DPY19L2: variants seen among roughly 807,000 people sequenced by gnomAD.
DPY19L2 encodes probable C-mannosyltransferase DPY19L2.
Under a neutral mutation model 97.9 loss-of-function variants are expected in DPY19L2, and 34 were observed. The observed-to-expected ratio is 0.35, with a 90% CI of 0.26 to 0.46. DPY19L2 has a LOEUF of 0.46. Ranked by LOEUF, DPY19L2 falls within the 20% of genes least tolerant of loss-of-function variation. The pLI is 1.00. For synonymous variants in DPY19L2, 230 were observed against 307.9 expected (o/e 0.75, Z 2.65); for missense variants, 623 against 911.4 (o/e 0.68, Z 4.07).
intron 12 of DPY19L2, among the ~76,000 whole-genome samples, chr12:63,602,283 C>A (rs1256405987): frequency 7.9e-5 from 12 of 151,712 alleles, no homozygotes; most frequent in Non-Finnish European, 1.6e-4. Flanking sequence ...AAAATAAAAA[C>A]TGAATCACAA....
At chr12:63,613,944 A>C (rs1427592343) in intron 11 of DPY19L2, among the ~76,000 whole-genome samples, 1 of 151,974 alleles carries the variant, frequency 6.6e-6, no homozygotes, top group Admixed American at 6.6e-5. Context: ...TAATCCCAGC[A>C]CTTGGGAGGC....
At chr12:63,662,310 C>T (rs1258754955) in intron 3 of DPY19L2, among the ~76,000 whole-genome samples, 2 of 151,986 alleles carry the variant, frequency 1.3e-5, no homozygotes, top group African/African-American at 4.8e-5. Context: ...CTGCCTCATC[C>T]AACACGAGTA....
intron 11 of DPY19L2, among the ~76,000 whole-genome samples, chr12:63,611,255 C>T (rs549699916): frequency 6.6e-6 from 1 of 152,144 alleles, no homozygotes; most frequent in African/African-American, 2.4e-5. Flanking sequence ...TTCCAGCTAA[C>T]AAATCTTAAA....
chr12:63,646,528 A>G (rs1893432973), intron 5 of DPY19L2, among the ~76,000 whole-genome samples: 1 of 152,188 alleles, frequency 6.6e-6, no homozygotes, highest in African/African-American at 2.4e-5. Context: ...TTCATAAAAT[A>G]TAGTAAGTCA....
intron 16 of DPY19L2, chr12:63,591,025 A>G (rs1882808241): frequency 2.2e-6 from 1 of 454,980 alleles, no homozygotes; most frequent in African/African-American, 2.0e-5. Context: ...ATCCAATTAA[A>G]TATCCCAAGT....
At chr12:63,594,961 G>A (rs1489231175) in intron 15 of DPY19L2, among the ~76,000 whole-genome samples, 2 of 152,156 alleles carry the variant, frequency 1.3e-5, no homozygotes, top group East Asian at 1.9e-4. Context: ...GATGCAGGGC[G>A]GTAAACCTGC....
At chr12:63,634,364 A>T (rs1003679363) in intron 6 of DPY19L2, among the ~76,000 whole-genome samples, 1 of 152,154 alleles carries the variant, frequency 6.6e-6, no homozygotes, top group African/African-American at 2.4e-5. Flanking sequence ...GCTCCAGTCT[A>T]CAGCTCCCAG....
chr12:63,619,784 C>T lies in DPY19L2; in HGVS notation c.1053+1454G>A, dbSNP rs1217201377. Among the ~76,000 whole-genome samples, 7 of 152,228 alleles carry T rather than the reference C, an allele frequency of 4.6e-5. No homozygotes were observed. The South Asian group carries it at 8.3e-4, about 18-fold the overall frequency. Reference sequence around the variant, plus strand: ...CCTCCCAAAGTTCTGGGAGTACAGGCGTGAGCCATCACACCCGGCCCCAAA... The same window carrying T: ...CCTCCCAAAGTTCTGGGAGTACAGGTGTGAGCCATCACACCCGGCCCCAAA... On this transcript the variant is annotated intron_variant, in intron 9 of 21. Transcript: ENST00000324472.
At chr12:63,638,126 G>A (rs1359806062) in intron 6 of DPY19L2, among the ~76,000 whole-genome samples, 2 of 152,078 alleles carry the variant, frequency 1.3e-5, no homozygotes, top group Non-Finnish European at 2.9e-5. Context: ...TATCTCAATA[G>A]ATGCAGAAAA....
At chr12:63,567,428 T>C (rs1279505657) in intron 21 of DPY19L2, among the ~76,000 whole-genome samples, 1 of 152,064 alleles carries the variant, frequency 6.6e-6, no homozygotes, top group Non-Finnish European at 1.5e-5. Flanking sequence ...TTAAATTGGG[T>C]TATTTCTAGT....
At chr12:63,624,627 T>C (rs1471544986) in intron 7 of DPY19L2, among the ~76,000 whole-genome samples, 1 of 152,160 alleles carries the variant, frequency 6.6e-6, no homozygotes, top group Non-Finnish European at 1.5e-5. Flanking sequence ...TCAGAATTTG[T>C]AAAATGTACC....
In DPY19L2 at chr12:63,614,520, A is replaced by G. The variant is rs191226207; in HGVS notation, c.1218+2784T>C. On this transcript the variant is annotated intron_variant, in intron 11 of 21. Transcript: ENST00000324472. Reference sequence around the variant, plus strand: ...AAAATAAAATGGGTGAAGAGAATGAAAGAAGGATATGCAAAAAATTCTTTA... The same window carrying G: ...AAAATAAAATGGGTGAAGAGAATGAGAGAAGGATATGCAAAAAATTCTTTA... 2.8e-3 allele frequency among the ~76,000 whole-genome samples: 424 copies of G among 152,268 alleles called. 2 individuals carry two copies. The highest frequency in any genetic ancestry group is 0.017 in the South Asian group (80 of 4,824).
intron 4 of DPY19L2, among the ~76,000 whole-genome samples, chr12:63,654,750 C>T (rs952906637): frequency 9.9e-5 from 15 of 152,018 alleles, no homozygotes; most frequent in African/African-American, 3.1e-4. Flanking sequence ...AAAAAGTCAT[C>T]GTTAAATTAT....
intron 12 of DPY19L2, among the ~76,000 whole-genome samples, chr12:63,607,013 C>CA (rs1251642645): frequency 1.3e-5 from 2 of 151,970 alleles, no homozygotes; most frequent in Non-Finnish European, 2.9e-5. Context: ...ATACACAGAG[C>CA]AAAAAACAGA....
chr12:63,668,310 G>A lies in DPY19L2; in HGVS notation c.84C>T (p.Ala28=), dbSNP rs763379932. 11 of 1,613,794 alleles carry A rather than the reference G, an allele frequency of 6.8e-6. No individual in the cohort carries two copies. The highest frequency in any genetic ancestry group is 7.6e-6 in the Non-Finnish European group (9 of 1,179,938). The change falls in exon 1 of 22, where the codon GCC becomes GCT. Residue 28 remains alanine, a synonymous_variant. Transcript: ENST00000324472. Reference sequence around the variant, plus strand: ...TCTCCTCCTCTACCTCCGGCTCCCGGGCGAGGGAGGCCCCGCGCCGCCCCT... The same window carrying A: ...TCTCCTCCTCTACCTCCGGCTCCCGAGCGAGGGAGGCCCCGCGCCGCCCCT... ...QSKGRRGASL[A]REPEVEEEME...
chr12:63,599,182 A>C (rs12817517), intron 13 of DPY19L2, among the ~76,000 whole-genome samples: 33,570 of 112,304 alleles, frequency 0.3, 4,004 homozygotes, highest in East Asian at 0.44. Context: ...AAAAAACAAA[A>C]AAAAAAAAAA....
intron 6 of DPY19L2, among the ~76,000 whole-genome samples, chr12:63,628,933 A>G (rs1344174280): frequency 6.6e-6 from 1 of 151,628 alleles, no homozygotes; most frequent in Non-Finnish European, 1.5e-5. Context: ...TGCAGCATCC[A>G]CTGCTGATAC....
chr12:63,652,732 T>C (rs1592738230), intron 4 of DPY19L2, among the ~76,000 whole-genome samples: 1 of 152,156 alleles, frequency 6.6e-6, no homozygotes, highest in Non-Finnish European at 1.5e-5. Flanking sequence ...TGAGTACACA[T>C]GGACACAAAG....
chr12:63,639,528 A>C (rs955244709), intron 6 of DPY19L2, among the ~76,000 whole-genome samples: 1 of 152,200 alleles, frequency 6.6e-6, no homozygotes, highest in Non-Finnish European at 1.5e-5. Context: ...ACCCCATCAA[A>C]AAGTGGATGA....
Sources: gnomAD v4.1 joint callset for allele counts (sites outside exome capture counted in the v4.1 genomes callset) on GRCh38, gnomAD v4.1.1 for gene constraint, MANE v1.5 for transcripts, NCBI Gene and HGNC (gene_info 2026-07-23, HGNC 2026-07-21) for gene names.